SEL1L: variants seen among roughly 807,000 people sequenced by gnomAD.
SEL1L encodes SEL1L adaptor subunit of SYVN1 ubiquitin ligase.
A neutral mutation model predicts 109.8 loss-of-function variants in SEL1L; 52 were observed. The ratio of observed to expected loss-of-function variants is 0.47; its 90% CI spans 0.38 to 0.60. The LOEUF (loss-of-function observed/expected upper bound fraction) is 0.60, where lower values mean the gene tolerates loss of function less well. Ranked by LOEUF, SEL1L falls within the 20% of genes least tolerant of loss-of-function variation. The pLI, the probability that SEL1L is intolerant of heterozygous loss-of-function variation, is 0.00. For missense variants in SEL1L, 749 were observed against 962.2 expected, an observed-to-expected ratio of 0.78 and a Z score of 2.93; for synonymous variants, 373 against 339.6, an observed-to-expected ratio of 1.10 and a Z score of -1.08.
At chr14:81,506,694 C>T (rs1884253959) in intron 3 of SEL1L, among the ~76,000 whole-genome samples, 1 of 152,166 alleles carries the variant, frequency 6.6e-6, no homozygotes, top group South Asian at 2.1e-4. Flanking sequence ...CACTCCTCTG[C>T]AATCCTGTGG....
intron 3 of SEL1L, among the ~76,000 whole-genome samples, chr14:81,514,426 G>A (rs114360594): frequency 0.027 from 4,180 of 152,208 alleles, 188 homozygotes; most frequent in African/African-American, 0.096. Flanking sequence ...CTACTAACAG[G>A]AGAATGCTTA....
At position 81,494,600 on chromosome 14, in the gene SEL1L, G is replaced by A. The variant is rs534145358; in HGVS notation, c.1185+481C>T. On this transcript the variant is annotated intron_variant, in intron 11 of 20. Transcript: ENST00000336735. ...GGGCAGACTAGCCATATTCCTTCCT[G>A]TCTCTGGGCCTATGCACATACCGTT... Among the ~76,000 whole-genome samples, 120 of 152,254 alleles carry A rather than the reference G, an allele frequency of 7.9e-4. 1 individual carries two copies. Among genetic ancestry groups the A allele is most frequent in the African/African-American group, 2.8e-3 (117 of 41,558 alleles).
chr14:81,517,031 G>A (rs139418250), intron 3 of SEL1L, among the ~76,000 whole-genome samples: 83 of 152,334 alleles, frequency 5.4e-4, no homozygotes, highest in African/African-American at 1.9e-3. Flanking sequence ...TGCATTAGAA[G>A]TGGGATTTGC....
chr14:81,489,473 CAT>C (rs1883461007), intron 13 of SEL1L, among the ~76,000 whole-genome samples, 159 bp from the exon 14 acceptor site: 1 of 152,172 alleles, frequency 6.6e-6, no homozygotes. Flanking sequence ...TCAGACTAAA[CAT>C]AATATTGACT....
rs117444050 is a variant in SEL1L, at chr14:81,531,711, C to A, written c.70+1964G>T. Among the ~76,000 whole-genome samples the A allele has an allele frequency of 5.3e-3, 800 of 152,232 alleles. 3 individuals are homozygous for A. The highest frequency in any genetic ancestry group is 9.1e-3 in the Non-Finnish European group (617 of 68,010). The stretch of plus-strand genomic sequence containing the variant: ...CTGGAACTACACGTGTGCACCATCA[C>A]ACCTGGAGTTACGTAGAGATGGGGT... On this transcript the variant is annotated intron_variant, in intron 1 of 20. Transcript: ENST00000336735.
At chr14:81,514,746 A>G (rs1884630357) in intron 3 of SEL1L, among the ~76,000 whole-genome samples, 1 of 152,156 alleles carries the variant, frequency 6.6e-6, no homozygotes, top group African/African-American at 2.4e-5. Flanking sequence ...ACAGGCATCA[A>G]TAGGCTCACC....
At chr14:81,489,155 A>G in intron 14 of SEL1L, 97 bp downstream of exon 14, 1 of 1,050,336 alleles carries the variant, frequency 9.5e-7, no homozygotes, top group Non-Finnish European at 1.5e-6. Context: ...ACAATGGAAC[A>G]GCCCCACCTG....
At chr14:81,519,866 G>T (rs1431507195) in intron 3 of SEL1L, among the ~76,000 whole-genome samples, 7 of 152,142 alleles carry the variant, frequency 4.6e-5, no homozygotes, top group African/African-American at 1.7e-4. Flanking sequence ...GGCATAAACT[G>T]TTATGTTGTG....
intron 5 of SEL1L, among the ~76,000 whole-genome samples, chr14:81,503,331 A>G (rs1195210628): frequency 1.3e-5 from 2 of 151,896 alleles, no homozygotes; most frequent in Non-Finnish European, 2.9e-5. Flanking sequence ...CATGTAAAAA[A>G]CATCCCTTTT....
intron 10 of SEL1L, among the ~76,000 whole-genome samples, chr14:81,497,078 A>G (rs1333945382): frequency 6.6e-6 from 1 of 152,248 alleles, no homozygotes; most frequent in Non-Finnish European, 1.5e-5. Flanking sequence ...CACAGAAAGC[A>G]AGTAAAACAG....
chr14:81,498,351 A>C, intron 9 of SEL1L, 62 bp downstream of exon 9: 1 of 1,332,030 alleles, frequency 7.5e-7, no homozygotes, highest in Non-Finnish European at 1.1e-6. Context: ...AAAAATAGAA[A>C]TGTTTAAAGT....
chr14:81,500,954 A>G (rs893170528), intron 6 of SEL1L, among the ~76,000 whole-genome samples: 1 of 152,226 alleles, frequency 6.6e-6, no homozygotes, highest in Non-Finnish European at 1.5e-5. Context: ...CTAACATGAC[A>G]AAGGCAGGTG....
intron 3 of SEL1L, among the ~76,000 whole-genome samples, chr14:81,522,152 A>G (rs1431285820): frequency 6.6e-6 from 1 of 152,250 alleles, no homozygotes; most frequent in African/African-American, 2.4e-5. Flanking sequence ...AAGCTAAAAC[A>G]TAAAAGTTTA....
chr14:81,525,286 T>C (rs532051349), intron 3 of SEL1L, among the ~76,000 whole-genome samples: 2 of 152,032 alleles, frequency 1.3e-5, no homozygotes, highest in African/African-American at 4.8e-5. Context: ...TAGTGTCTCA[T>C]GCCTGTAATC....
chr14:81,526,935 C>A lies in SEL1L; in HGVS notation c.138G>T (p.Lys46Asn). 6.2e-7 allele frequency: 1 copy of A among 1,609,270 alleles called. No homozygotes were observed. The highest frequency in any genetic ancestry group is 8.5e-7 in the Non-Finnish European group (1 of 1,177,798). Residue 46 changes from lysine (K) to asparagine (N), a missense_variant, in exon 3 of 21, where the codon AAG (lysine) becomes AAT (asparagine). Lys to Asn is a moderately conservative substitution (Grantham distance 94). Around this residue, in one of 2 missense-constraint regions of SEL1L, gnomAD observed 366 missense variants for 399.8 expected, o/e 0.92. Transcript: ENST00000336735. ...KTTLTSDESV[K>N]DHTTAGRVVA... is the part of the protein sequence containing the mutation. ...CTACTCTGCCTGCAGTAGTATGGTC[C>A]TTTACTGACTCATCTGATGTCAAAG...
At chr14:81,496,817 A>G (rs542643723) in intron 10 of SEL1L, among the ~76,000 whole-genome samples, 10 of 152,364 alleles carry the variant, frequency 6.6e-5, no homozygotes, top group African/African-American at 2.4e-4. Context: ...ACAAAACAAC[A>G]GTATCTCATG....
intron 14 of SEL1L, chr14:81,488,808 G>C: frequency 4.7e-6 from 1 of 211,410 alleles, no homozygotes. Flanking sequence ...GTGAATGACA[G>C]CAGCTTAGTT....
In SEL1L at chr14:81,499,133, A is replaced by T. The variant is rs938394926; in HGVS notation, c.891+326T>A. The T allele has an allele frequency of 4.9e-6, 5 of 1,030,052 alleles. No homozygotes were observed. The African/African-American group carries it at 6.7e-5, about 14-fold the overall frequency. The allele number at this position is 1,030,052 out of a possible 1,614,324, so 63.8% of individuals were successfully genotyped here. On this transcript the variant is annotated intron_variant, in intron 8 of 20. Coordinates refer to ENST00000336735, the MANE Select transcript of SEL1L (RefSeq NM_005065.6). Reference sequence around the variant, plus strand: ...TTTGAAAAACTAAAGAAAAATTTTTAAAATTATGATAATCTAATGTAAAAA... The same window carrying T: ...TTTGAAAAACTAAAGAAAAATTTTTTAAATTATGATAATCTAATGTAAAAA...
intron 1 of SEL1L, among the ~76,000 whole-genome samples, chr14:81,532,054 G>T (rs960272471): frequency 2.6e-5 from 4 of 152,294 alleles, no homozygotes; most frequent in Non-Finnish European, 2.9e-5. Context: ...TAATATATCA[G>T]TGTTAAGTCT....
Sources: allele counts gnomAD v4.1 joint callset (sites outside exome capture counted in the v4.1 genomes callset), GRCh38; gene constraint gnomAD v4.1.1; regional missense constraint gnomAD v4.1.1; transcripts MANE v1.5; gene names NCBI Gene and HGNC (gene_info 2026-07-23, HGNC 2026-07-21).